DAPK2: variants seen among roughly 807,000 people sequenced by gnomAD.
DAPK2 encodes death-associated protein kinase 2.
Under a neutral mutation model 44.1 loss-of-function variants are expected in DAPK2, and 35 were observed. That is an observed-to-expected ratio of 0.79 (90% confidence interval 0.61 to 1.05). DAPK2 has a LOEUF of 1.05. Ranked by LOEUF, DAPK2 falls within the 50% of genes least tolerant of loss-of-function variation. The probability of loss-of-function intolerance (pLI) is 0.00; values close to 1 mark genes in which losing one functional copy is unlikely to be tolerated. For synonymous variants in DAPK2, 174 were observed against 182.6 expected (o/e 0.95, Z 0.38); for missense variants, 453 against 483.2 (o/e 0.94, Z 0.59).
chr15:63,970,739 C>G (rs560266674), intron 3 of DAPK2, among the ~76,000 whole-genome samples: 21 of 152,320 alleles, frequency 1.4e-4, no homozygotes, highest in Admixed American at 5.9e-4. Context: ...CATTAAGTAT[C>G]TGTATAGGCT....
At chr15:64,002,066 T>C (rs1480301199) in intron 1 of DAPK2, among the ~76,000 whole-genome samples, 1 of 152,222 alleles carries the variant, frequency 6.6e-6, no homozygotes, top group Non-Finnish European at 1.5e-5. Flanking sequence ...ACATGAATCC[T>C]CTCATTTTAC....
intron 3 of DAPK2, among the ~76,000 whole-genome samples, chr15:63,950,384 T>A (rs1046545343): frequency 1.3e-5 from 2 of 151,740 alleles, no homozygotes; most frequent in African/African-American, 4.8e-5. Flanking sequence ...TCTGGCTAAT[T>A]AAAAAACATT....
chr15:63,965,598 G>C (rs538386128), intron 3 of DAPK2, among the ~76,000 whole-genome samples: 45 of 152,350 alleles, frequency 3.0e-4, no homozygotes, highest in Admixed American at 8.5e-4. Context: ...CCAGGGCCTG[G>C]AGTTGGAAAC....
chr15:64,040,326 G>C (rs751825171), upstream of DAPK2: 10 of 1,312,100 alleles, frequency 7.6e-6, no homozygotes, highest in Admixed American at 3.4e-5. Flanking sequence ...AAGCCTAAGA[G>C]TCTAAGGCCT....
chr15:63,983,682 C>T (rs763131157), exon 2 of DAPK2: 2 of 1,613,938 alleles, frequency 1.2e-6, no homozygotes. Flanking sequence ...TCTGCCGCTT[C>T]TTGATGAACT....
intron 1 of DAPK2, among the ~76,000 whole-genome samples, chr15:64,024,319 G>A (rs909218675): frequency 2.0e-5 from 3 of 152,168 alleles, no homozygotes; most frequent in Non-Finnish European, 4.4e-5. Context: ...AGTGATCCTC[G>A]AGTTGCAAGG....
chr15:64,023,375 C>T (rs918353054), intron 1 of DAPK2, among the ~76,000 whole-genome samples: 6 of 152,162 alleles, frequency 3.9e-5, no homozygotes, highest in African/African-American at 1.4e-4. Context: ...AACCTAGAAG[C>T]CATAAAGGAA....
intron 1 of DAPK2, among the ~76,000 whole-genome samples, chr15:63,998,896 A>C (rs1273751525): frequency 1.3e-5 from 2 of 152,224 alleles, no homozygotes; most frequent in African/African-American, 2.4e-5. Context: ...AACAAGATGC[A>C]GTGCCCATCC....
intron 4 of DAPK2, 55 bp from the exon 6 acceptor site, chr15:63,930,510 G>A: frequency 2.6e-6 from 4 of 1,564,686 alleles, no homozygotes; most frequent in South Asian, 1.1e-5. Context: ...GAGGAGAGAT[G>A]GTTTTAGGGA....
intron 3 of DAPK2, among the ~76,000 whole-genome samples, chr15:63,958,895 T>G (rs895589344): frequency 3.9e-5 from 6 of 152,330 alleles, no homozygotes; most frequent in East Asian, 1.9e-4. Context: ...GTGAAGAAAG[T>G]CATTGGTAGC....
At chr15:63,945,280 G>A (rs972635010) in intron 3 of DAPK2, among the ~76,000 whole-genome samples, 2 of 152,232 alleles carry the variant, frequency 1.3e-5, no homozygotes, top group Non-Finnish European at 2.9e-5. Context: ...CACAGGTGAT[G>A]CCACTTTCCT....
chr15:63,910,228 C>A (rs866238301), intron 10 of DAPK2, among the ~76,000 whole-genome samples: 2 of 152,222 alleles, frequency 1.3e-5, no homozygotes, highest in Non-Finnish European at 2.9e-5. Flanking sequence ...TTGTTTGGGG[C>A]CTCTGGGCCA....
At chr15:64,005,123 C>T (rs543230715) in intron 1 of DAPK2, among the ~76,000 whole-genome samples, 17 of 152,010 alleles carry the variant, frequency 1.1e-4, no homozygotes, top group Non-Finnish European at 2.1e-4. Context: ...CTTCAGGGTG[C>T]AAGATTGTGG....
chr15:63,969,577 C>T (rs1411580996), intron 3 of DAPK2, among the ~76,000 whole-genome samples: 3 of 151,918 alleles, frequency 2.0e-5, no homozygotes, highest in African/African-American at 7.3e-5. Context: ...CCCGCCTCTA[C>T]AAAAAATACA....
intron 3 of DAPK2, among the ~76,000 whole-genome samples, chr15:63,969,816 T>C (rs2078161805): frequency 6.6e-6 from 1 of 151,584 alleles, no homozygotes; most frequent in Non-Finnish European, 1.5e-5. Flanking sequence ...GGTCACCCTA[T>C]CAGGCAGAGT....
chr15:64,014,598 C>G (rs2079472954), intron 1 of DAPK2, among the ~76,000 whole-genome samples: 1 of 152,198 alleles, frequency 6.6e-6, no homozygotes, highest in East Asian at 1.9e-4. Context: ...AAGGCCTGAT[C>G]CCTCAGAAGA....
At chr15:64,002,019 C>T (rs1398085547) in intron 1 of DAPK2, among the ~76,000 whole-genome samples, 1 of 152,142 alleles carries the variant, frequency 6.6e-6, no homozygotes, top group African/African-American at 2.4e-5. Flanking sequence ...TAAAAGTAGC[C>T]CTTGAAGAGC....
chr15:64,039,423 G>A (rs577164916), intron 1 of DAPK2, among the ~76,000 whole-genome samples: 5 of 152,310 alleles, frequency 3.3e-5, no homozygotes, highest in East Asian at 1.9e-4. Context: ...TTGCCCAAAC[G>A]CTGGACCACA....
At chr15:64,000,945 T>A (rs1444289381) in intron 1 of DAPK2, among the ~76,000 whole-genome samples, 1 of 152,074 alleles carries the variant, frequency 6.6e-6, no homozygotes, top group Non-Finnish European at 1.5e-5. Context: ...AATGGTGTGA[T>A]CTTGGCTTGC....
Sources: gnomAD v4.1 joint callset for allele counts (sites outside exome capture counted in the v4.1 genomes callset) on GRCh38, gnomAD v4.1.1 for gene constraint, MANE v1.5 for transcripts, NCBI Gene and HGNC (gene_info 2026-07-23, HGNC 2026-07-21) for gene names.